Variants in HBS1L observed in about 807,000 individuals in gnomAD.
HBS1L encodes HBS1 like translational GTPase, also known as HBS1-like protein.
Under a neutral mutation model 88.9 loss-of-function variants are expected in HBS1L, and 55 were observed. The ratio of observed to expected loss-of-function variants is 0.62; its 90% CI spans 0.50 to 0.77. The LOEUF is 0.77. HBS1L is among the 30% of genes least tolerant of loss of function. The pLI is 0.00. For missense variants in HBS1L, 741 were observed against 829.3 expected (o/e 0.89, Z 1.31); for synonymous variants, 267 against 288.5 (o/e 0.93, Z 0.76).
chr6:134,966,925 T>A (rs1262704313), intron 16 of HBS1L, among the ~76,000 whole-genome samples: 1 of 147,406 alleles, frequency 6.8e-6, no homozygotes, highest in African/African-American at 2.7e-5. Context: ...TTATGGAATG[T>A]GTATTAGGAA....
intron 15 of HBS1L, among the ~76,000 whole-genome samples, chr6:134,975,963 T>G (rs1194698428): frequency 6.6e-6 from 1 of 152,024 alleles, no homozygotes; most frequent in Non-Finnish European, 1.5e-5. Context: ...CTGAACATAG[T>G]AAACAGACAA....
Position 134,988,745 on chromosome 6 carries a change from G to A in HBS1L, c.1084-954C>T, listed in dbSNP as rs1241128854. Among the ~76,000 whole-genome samples, 5 of 152,166 alleles carry A rather than the reference G, an allele frequency of 3.3e-5. No individual in the cohort carries two copies. In the South Asian group the frequency reaches 8.3e-4, roughly 25 times the overall value. On this transcript the variant is annotated intron_variant, in intron 8 of 17. Coordinates refer to ENST00000367837, the MANE Select transcript of HBS1L (RefSeq NM_006620.4). ...CTGTAGGTGCACCACCTTCCAGGGG[G>A]TATTTTCACAAAAAGTATCAAGAAC...
At chr6:135,033,827 T>A (rs1024347826) in intron 4 of HBS1L, among the ~76,000 whole-genome samples, 1 of 152,218 alleles carries the variant, frequency 6.6e-6, no homozygotes, top group Non-Finnish European at 1.5e-5. Context: ...TGTGGACCAC[T>A]TGTGCAGCAC....
At chr6:135,008,837 C>T (rs912199380) in intron 4 of HBS1L, among the ~76,000 whole-genome samples, 3 of 152,022 alleles carry the variant, frequency 2.0e-5, no homozygotes, top group Non-Finnish European at 4.4e-5. Flanking sequence ...TACACGTTCA[C>T]GCAGTCCACA....
intron 12 of HBS1L, among the ~76,000 whole-genome samples, chr6:134,984,496 G>A (rs1275402496): frequency 6.6e-6 from 1 of 152,194 alleles, no homozygotes; most frequent in African/African-American, 2.4e-5. Flanking sequence ...GTCAGGGCAT[G>A]TGCGCAGGTA....
chr6:135,008,235 C>T lies in HBS1L; in HGVS notation c.431-5393G>A, dbSNP rs534664375. 3.1e-3 allele frequency among the ~76,000 whole-genome samples: 468 copies of T among 152,316 alleles called. 6 individuals are homozygous for T. Among genetic ancestry groups the T allele is most frequent in the Non-Finnish European group, 3.7e-3 (253 of 68,018 alleles). ...GTCTCTAGAATAGAGAAGAACTAAT[C>T]ATCCGTTAGGTACAGTTTTCATTCA... On this transcript the variant is annotated intron_variant, in intron 4 of 17. Transcript: ENST00000367837.
At chr6:134,995,360 C>T (rs1019139634) in intron 7 of HBS1L, among the ~76,000 whole-genome samples, 1 of 151,934 alleles carries the variant, frequency 6.6e-6, no homozygotes, top group South Asian at 2.1e-4. Context: ...CTAAAACTCC[C>T]ATCATGTACC....
At chr6:135,037,613 G>C (rs1443484514) in intron 4 of HBS1L, 2 of 1,547,166 alleles carry the variant, frequency 1.3e-6, no homozygotes, top group Admixed American at 3.9e-5. Flanking sequence ...TTTAAATCTG[G>C]TATTTCTTTG....
intron 4 of HBS1L, chr6:135,037,640 T>C: frequency 1.9e-6 from 3 of 1,549,258 alleles, no homozygotes; most frequent in South Asian, 2.4e-5. Context: ...GAATCATCTT[T>C]GGAAATGCAT....
At chr6:135,014,276 G>A (rs920735643) in intron 4 of HBS1L, among the ~76,000 whole-genome samples, 4 of 152,188 alleles carry the variant, frequency 2.6e-5, no homozygotes, top group Admixed American at 1.3e-4. Flanking sequence ...AAGGAACTCT[G>A]CTTCCTCCTC....
Position 134,986,766 on chromosome 6 carries a change from A to G in HBS1L, c.1275T>C (p.Leu425=). 1 of 1,572,276 alleles carries G rather than the reference A, an allele frequency of 6.4e-7. No individual in the cohort carries two copies. The highest frequency in any genetic ancestry group is 8.6e-7 in the Non-Finnish European group (1 of 1,159,048). Residue 425 remains leucine, a synonymous_variant, in exon 10 of 18, where the codon CTT becomes CTC. Coordinates refer to ENST00000367837, the MANE Select transcript of HBS1L (RefSeq NM_006620.4). ...AACCTGCTTGCTTAAGAAAGTGCCC[A>G]AGTTTTCCAGTAATCTCTTGAAACC... ...QERFQEITGK[L]GHFLKQAGFK...
At chr6:135,012,252 T>C (rs1775797989) in intron 4 of HBS1L, among the ~76,000 whole-genome samples, 1 of 152,168 alleles carries the variant, frequency 6.6e-6, no homozygotes, top group Non-Finnish European at 1.5e-5. Flanking sequence ...TATGAAAAGA[T>C]AACTATGACA....
intron 4 of HBS1L, among the ~76,000 whole-genome samples, chr6:135,022,067 T>C (rs940112789): frequency 5.3e-5 from 8 of 152,196 alleles, no homozygotes; most frequent in Non-Finnish European, 1.0e-4. Flanking sequence ...GAGGGGAAAG[T>C]TTGTACCTCA....
intron 4 of HBS1L, chr6:135,036,938 C>T: frequency 6.4e-7 from 1 of 1,551,568 alleles, no homozygotes; most frequent in Non-Finnish European, 8.7e-7. Flanking sequence ...GATGGGTCTA[C>T]TACAGGCTTT....
chr6:134,989,554 T>C (rs990197531), intron 8 of HBS1L, among the ~76,000 whole-genome samples: 29 of 152,308 alleles, frequency 1.9e-4, no homozygotes, highest in African/African-American at 6.5e-4. Flanking sequence ...AGATATAATA[T>C]ATAATCCTCA....
At chr6:134,970,129 CA>C (rs1274093397) in intron 15 of HBS1L, among the ~76,000 whole-genome samples, 2 of 151,966 alleles carry the variant, frequency 1.3e-5, no homozygotes, top group Non-Finnish European at 2.9e-5. Flanking sequence ...AACTTTGGGG[CA>C]AGTTATTTTT....
chr6:135,039,711 CT>C lies in HBS1L; in HGVS notation c.291del (p.Asp98MetfsTer4). ...AGAACTGCTTCAATTAATATTTCATCTGGCACAGCATCTCCAAGTACCTCTC... is the reference window on the plus strand; with the variant it reads ...AGAACTGCTTCAATTAATATTTCATCGGCACAGCATCTCCAAGTACCTCTC... ...HMREVLGDAVPDEILIEAVLK... is the reference protein window; with the variant it reads ...HMREVLGDAVXDEILIEAVLK... On this transcript the variant is annotated frameshift_variant, in exon 4 of 18. Transcript: ENST00000367837. LOFTEE classifies it high-confidence loss of function. 1 of 1,614,014 alleles carries C rather than the reference CT, an allele frequency of 6.2e-7. No homozygotes were observed. Among genetic ancestry groups the C allele is most frequent in the Non-Finnish European group, 8.5e-7 (1 of 1,180,012 alleles).
chr6:135,049,276 C>T (rs1371934986), intron 2 of HBS1L, among the ~76,000 whole-genome samples: 1 of 152,026 alleles, frequency 6.6e-6, no homozygotes, highest in Admixed American at 6.5e-5. Context: ...GGAAAGAGTT[C>T]TCCTTGGGAC....
In HBS1L at chr6:135,054,686, G is replaced by A. The variant is rs200903242; in HGVS notation, c.6C>T (p.Ala2=). 3 of 1,614,208 alleles carry A rather than the reference G, an allele frequency of 1.9e-6. No individual in the cohort carries two copies. Among genetic ancestry groups the A allele is most frequent in the Non-Finnish European group, 2.5e-6 (3 of 1,180,032 alleles). The part of the protein sequence containing the change: M[A]RHRNVRGYNY... ...TATAGCCTCGAACATTCCGATGCCG[G>A]GCCATGACGGCGGAGAGGGCGTTTG... Residue 2 remains alanine (A), a synonymous_variant, in exon 1 of 18, where the codon GCC becomes GCT. Coordinates refer to ENST00000367837, the MANE Select transcript of HBS1L (RefSeq NM_006620.4).
Sources: allele counts gnomAD v4.1 joint callset (sites outside exome capture counted in the v4.1 genomes callset), GRCh38; gene constraint gnomAD v4.1.1; transcripts MANE v1.5; gene names NCBI Gene and HGNC (gene_info 2026-07-23, HGNC 2026-07-21).